SGIP1: variants seen among roughly 807,000 people sequenced by gnomAD.
SGIP1 encodes the protein SH3-containing GRB2-like protein 3-interacting protein 1.
In SGIP1, 38 loss-of-function variants were observed where a neutral mutation model predicts 107.5. The ratio of observed to expected loss-of-function variants is 0.35; its 90% CI spans 0.27 to 0.46. The LOEUF (loss-of-function observed/expected upper bound fraction) is 0.46, where lower values mean the gene tolerates loss of function less well. Ranked by LOEUF, SGIP1 falls within the 20% of genes least tolerant of loss-of-function variation. The pLI, the probability that SGIP1 is intolerant of heterozygous loss-of-function variation, is 1.00. For synonymous variants in SGIP1, 365 were observed against 366.1 expected, an observed-to-expected ratio of 1.00 and a Z score of 0.03; for missense variants, 929 against 1,019.5, an observed-to-expected ratio of 0.91 and a Z score of 1.21.
intron 7 of SGIP1, 77 bp downstream of exon 7, chr1:66,643,796 AT>A: frequency 1.5e-6 from 2 of 1,321,504 alleles, no homozygotes. Flanking sequence ...CATTAAGTCA[AT>A]CAGAAACTCC....
At position 66,743,339 on chromosome 1, in the gene SGIP1, G is replaced by A. The variant is rs757461845; in HGVS notation, c.*244G>A. The A allele has an allele frequency of 1.6e-5, 6 of 369,050 alleles. No individual in the cohort carries two copies. Among genetic ancestry groups the A allele is most frequent in the Admixed American group, 8.8e-5 (2 of 22,602 alleles). 22.9% of individuals were successfully genotyped at this position (369,050 alleles called of 1,614,324 possible). ...AATGTAATTATTGTATTTGTAAATT[G>A]TACTCTCATTCCAGTAAGGCAGTTA... On this transcript the variant is annotated 3_prime_UTR_variant, in exon 25 of 25. Coordinates refer to ENST00000371037, the MANE Select transcript of SGIP1 (RefSeq NM_032291.4).
intron 1 of SGIP1, among the ~76,000 whole-genome samples, chr1:66,595,435 C>A (rs1416194979): frequency 2.6e-5 from 4 of 152,184 alleles, no homozygotes; most frequent in Non-Finnish European, 5.9e-5. Flanking sequence ...AGTCATCAGT[C>A]CCTGCTTATA....
upstream of SGIP1, chr1:66,533,672 G>A (rs1484610068): frequency 6.6e-6 from 1 of 151,986 alleles, no homozygotes; most frequent in Non-Finnish European, 1.5e-5. Flanking sequence ...ATTCCTTCAG[G>A]GTAAAAGGAC....
chr1:66,587,508 A>G (rs1432145188), intron 1 of SGIP1, among the ~76,000 whole-genome samples: 1 of 152,092 alleles, frequency 6.6e-6, no homozygotes, highest in African/African-American at 2.4e-5. Flanking sequence ...AAATAAATCA[A>G]CTTTCTAATC....
At chr1:66,717,761 T>C (rs2093326373) in intron 18 of SGIP1, among the ~76,000 whole-genome samples, 1 of 152,182 alleles carries the variant, frequency 6.6e-6, no homozygotes, top group South Asian at 2.1e-4. Context: ...GAGCCTTGGT[T>C]CCATCAAACT....
At chr1:66,661,286 G>C (rs1202909635) in intron 8 of SGIP1, among the ~76,000 whole-genome samples, 1 of 152,198 alleles carries the variant, frequency 6.6e-6, no homozygotes, top group Admixed American at 6.5e-5. Flanking sequence ...AAAATAGGAA[G>C]ATATTATGTT....
intron 22 of SGIP1, 108 bp downstream of exon 22, chr1:66,739,645 A>T: frequency 9.4e-7 from 1 of 1,068,998 alleles, no homozygotes; most frequent in Non-Finnish European, 1.4e-6. Flanking sequence ...AGGCCTGTGC[A>T]TTAGGGTTCA....
At chr1:66,720,237 C>A (rs1015065782) in intron 19 of SGIP1, among the ~76,000 whole-genome samples, 1 of 137,022 alleles carries the variant, frequency 7.3e-6, no homozygotes, top group African/African-American at 2.8e-5. Context: ...GATTTGTAAT[C>A]CAAAAAAAGA....
In SGIP1 at chr1:66,648,666, C is replaced by G. The variant is rs536490924; in HGVS notation, c.459+4947C>G. On this transcript the variant is annotated intron_variant, in intron 7 of 24. Coordinates refer to ENST00000371037, the MANE Select transcript of SGIP1 (RefSeq NM_032291.4). ...ACCCTATCAGAGAGAGTGATAGGTT[C>G]AGTTTGCCCTGTTTCTTTGCGCTGG... Among the ~76,000 whole-genome samples the G allele has an allele frequency of 5.3e-5, 8 of 152,302 alleles. No individual in the cohort carries two copies. The East Asian group carries it at 1.2e-3, about 22-fold the overall frequency.
chr1:66,703,597 G>T (rs574188902), intron 18 of SGIP1, among the ~76,000 whole-genome samples: 1 of 150,902 alleles, frequency 6.6e-6, no homozygotes, highest in Admixed American at 6.6e-5. Context: ...TATATGATAT[G>T]ATATGTATCA....
intron 3 of SGIP1, chr1:66,634,203 G>T (rs569128441): frequency 2.6e-6 from 4 of 1,553,762 alleles, no homozygotes; most frequent in Non-Finnish European, 3.5e-6. Context: ...CTTCCGGCTT[G>T]GTCCCCTCCC....
intron 8 of SGIP1, among the ~76,000 whole-genome samples, chr1:66,667,303 T>C (rs1222860035): frequency 2.0e-5 from 3 of 152,222 alleles, no homozygotes; most frequent in Non-Finnish European, 4.4e-5. Context: ...ATACCCACAT[T>C]AGCAAAGCTG....
chr1:66,655,239 A>G lies in SGIP1; in HGVS notation c.460-5274A>G, dbSNP rs58179844. The stretch of plus-strand genomic sequence containing the variant: ...CCCCATCCCTAGACTAACGCCTGCC[A>G]TTCTTCCCTCTCCTTCCACTACTCC... On this transcript the variant is annotated intron_variant, in intron 7 of 24. Coordinates refer to ENST00000371037, the MANE Select transcript of SGIP1 (RefSeq NM_032291.4). Among the ~76,000 whole-genome samples, 983 of 151,694 alleles carry G rather than the reference A, an allele frequency of 6.5e-3. 12 individuals are homozygous for G. Among genetic ancestry groups the G allele is most frequent in the African/African-American group, 0.022 (923 of 41,382 alleles).
intron 24 of SGIP1, 117 bp from the exon 25 acceptor site, chr1:66,742,956 G>C (rs971457896): frequency 1.0e-6 from 1 of 977,454 alleles, no homozygotes; most frequent in Non-Finnish European, 1.6e-6. Flanking sequence ...TTGTACCTCT[G>C]AAGTATGCAG....
Position 66,643,735 on chromosome 1 carries a change from G to A in SGIP1, c.459+16G>A, listed in dbSNP as rs1400444213. ...ATCACCAGTGGTGAGTGTTGTGTGT[G>A]TGTGTGTTAAGCTTTAGTGAGATTG... On this transcript the variant is annotated intron_variant, in intron 7 of 24. Coordinates refer to ENST00000371037, the MANE Select transcript of SGIP1 (RefSeq NM_032291.4). The A allele has an allele frequency of 1.4e-5, 22 of 1,589,444 alleles. No homozygotes were observed. The highest frequency in any genetic ancestry group is 1.8e-5 in the Non-Finnish European group (21 of 1,170,552).
chr1:66,611,881 A>G (rs575494713), intron 1 of SGIP1, among the ~76,000 whole-genome samples: 38 of 152,334 alleles, frequency 2.5e-4, no homozygotes, highest in Middle Eastern at 3.4e-3. Context: ...TAGTTTATAC[A>G]TGCCTCATGT....
At chr1:66,661,402 C>A (rs1184992198) in intron 8 of SGIP1, among the ~76,000 whole-genome samples, 1 of 152,166 alleles carries the variant, frequency 6.6e-6, no homozygotes, top group Admixed American at 6.5e-5. Context: ...CAAATCCTGG[C>A]AGCCACTGCA....
In SGIP1 at chr1:66,733,794, A is replaced by C. The variant is rs2094120221; in HGVS notation, c.1945A>C (p.Met649Leu). The change falls in exon 21 of 25, where the codon ATG becomes CTG. Residue 649 changes from methionine to leucine, a missense_variant. Met to Leu is a conservative substitution (Grantham distance 15). This residue lies in a region of SGIP1 where 341 missense variants were observed against 430.9 expected (regional missense o/e 0.79). Transcript: ENST00000371037. ...CAATACCAAGGAATTCTGGGTAAAC[A>C]TGCCAAATTTGATGACTCACCTAAA... ...DANTKEFWVNMPNLMTHLKKV... is the reference protein window; with the variant it reads ...DANTKEFWVNLPNLMTHLKKV... 1 of 1,613,554 alleles carries C rather than the reference A, an allele frequency of 6.2e-7. No homozygotes were observed. Among genetic ancestry groups the C allele is most frequent in the African/African-American group, 1.3e-5 (1 of 74,914 alleles).
chr1:66,589,789 T>C (rs950254527), intron 1 of SGIP1, among the ~76,000 whole-genome samples: 3 of 152,182 alleles, frequency 2.0e-5, no homozygotes, highest in Admixed American at 2.0e-4. Context: ...AAACCCTCCA[T>C]GGCCTATACA....
Sources: allele counts gnomAD v4.1 joint callset (sites outside exome capture counted in the v4.1 genomes callset), GRCh38; gene constraint gnomAD v4.1.1; regional missense constraint gnomAD v4.1.1; transcripts MANE v1.5; gene names NCBI Gene and HGNC (gene_info 2026-07-23, HGNC 2026-07-21).